The following CAB39 variants were observed in gnomAD, a reference collection of about 807,000 sequenced individuals.
CAB39 encodes calcium-binding protein 39.
A neutral mutation model predicts 40.0 loss-of-function variants in CAB39; 8 were observed. The observed-to-expected ratio is 0.20, with a 90% CI of 0.12 to 0.36. The LOEUF is 0.36. Among genes scored for constraint, CAB39 ranks in the 10% least tolerant of loss-of-function variants. CAB39 has a pLI of 1.00. For synonymous variants in CAB39, 156 were observed against 141.6 expected, an observed-to-expected ratio of 1.10 and a Z score of -0.72; for missense variants, 270 against 401.1, an observed-to-expected ratio of 0.67 and a Z score of 2.79.
chr2:230,733,380 A>C (rs779458938), intron 1 of CAB39, among the ~76,000 whole-genome samples: 10 of 151,906 alleles, frequency 6.6e-5, no homozygotes, highest in Non-Finnish European at 1.3e-4. Context: ...ACATACCCCC[A>C]AGGTAGTTTG....
At chr2:230,715,121 G>A (rs1694325697) in intron 1 of CAB39, among the ~76,000 whole-genome samples, 1 of 151,982 alleles carries the variant, frequency 6.6e-6, no homozygotes, top group Non-Finnish European at 1.5e-5. Context: ...TATATTGTAT[G>A]CATATGTATA....
intron 1 of CAB39, among the ~76,000 whole-genome samples, chr2:230,717,986 CTT>C (rs1194939065): frequency 2.0e-5 from 3 of 152,236 alleles, no homozygotes; most frequent in African/African-American, 4.8e-5. Context: ...TTTGTATGAT[CTT>C]TAATAGCTTT....
chr2:230,729,009 CTG>C (rs2124870029), intron 1 of CAB39, among the ~76,000 whole-genome samples: 1 of 152,308 alleles, frequency 6.6e-6, no homozygotes, highest in African/African-American at 2.4e-5. Flanking sequence ...CTGGTATTTA[CTG>C]TGTGCCAAGT....
intron 5 of CAB39, among the ~76,000 whole-genome samples, chr2:230,804,477 A>G (rs1696153600): frequency 6.6e-6 from 1 of 152,234 alleles, no homozygotes; most frequent in Non-Finnish European, 1.5e-5. Flanking sequence ...AATGGGAGAA[A>G]ATGTTTGCAA....
chr2:230,795,556 G>A (rs1038633451), intron 4 of CAB39, among the ~76,000 whole-genome samples: 3 of 152,112 alleles, frequency 2.0e-5, no homozygotes, highest in African/African-American at 7.2e-5. Flanking sequence ...GGATGGTGCT[G>A]TGTGCTTCAT....
Position 230,725,274 on chromosome 2 carries a change from C to T in CAB39, c.-44+12044C>T, listed in dbSNP as rs576297925. On this transcript the variant is annotated intron_variant, in intron 1 of 8. Transcript: ENST00000258418. ...AGCACCAGAAACTGGCCAAGGACAA[C>T]GTAGGCCTTGTCAAAGCCCCTTTCC... is the stretch of plus-strand genomic sequence containing the variant. 15 of 1,578,490 alleles carry T rather than the reference C, an allele frequency of 9.5e-6. No homozygotes were observed. In the South Asian group the frequency reaches 1.0e-4, roughly 10 times the overall value.
chr2:230,737,233 A>G (rs958336247), intron 1 of CAB39, among the ~76,000 whole-genome samples: 2 of 152,194 alleles, frequency 1.3e-5, no homozygotes, highest in African/African-American at 2.4e-5. Flanking sequence ...GCTGAAGAGA[A>G]GATAGACCCT....
At chr2:230,732,263 T>C (rs1694706089) in intron 1 of CAB39, among the ~76,000 whole-genome samples, 1 of 152,092 alleles carries the variant, frequency 6.6e-6, no homozygotes, top group Non-Finnish European at 1.5e-5. Context: ...TTGTATTTTT[T>C]AGTGGAGACG....
Position 230,818,800 on chromosome 2 carries a change from T to C in CAB39, c.*96T>C. ...ATTGATTCATGAGGAACATTACTGC[T>C]AATCTGCTGTTAAGTGAACGGTTTT... On this transcript the variant is annotated 3_prime_UTR_variant, in exon 9 of 9. Transcript: ENST00000258418. 1 of 962,958 alleles carries C rather than the reference T, an allele frequency of 1.0e-6. No homozygotes were observed. The highest frequency in any genetic ancestry group is 1.6e-5 in the South Asian group (1 of 61,360). The allele number at this position is 962,958 out of a possible 1,614,324, so 59.7% of individuals were successfully genotyped here.
chr2:230,745,938 A>T (rs981595555), intron 1 of CAB39, among the ~76,000 whole-genome samples: 2 of 151,260 alleles, frequency 1.3e-5, no homozygotes, highest in African/African-American at 2.4e-5. Flanking sequence ...TCTTTAAATT[A>T]AAAAAAAAAT....
Position 230,820,929 on chromosome 2 carries a change from T to C in CAB39, c.*2225T>C, listed in dbSNP as rs1372305061. The C allele has an allele frequency of 6.5e-6, 1 of 152,692 alleles. No individual in the cohort carries two copies. Among genetic ancestry groups the C allele is most frequent in the African/African-American group, 2.4e-5 (1 of 41,470 alleles). 9.5% of individuals were successfully genotyped at this position (152,692 alleles called of 1,614,324 possible). A position where few individuals can be genotyped will look rare whatever the true frequency, so the allele number is the denominator to read the frequency against. On this transcript the variant is annotated 3_prime_UTR_variant, in exon 9 of 9. Coordinates refer to ENST00000258418, the MANE Select transcript of CAB39 (RefSeq NM_016289.4). ...ACATAAGGCAGTTACTTAATGTGAT[T>C]TTTAACCCTTAAAAAAGTGGAGATG...
At chr2:230,751,662 G>A (rs1027910966) in intron 1 of CAB39, among the ~76,000 whole-genome samples, 4 of 152,060 alleles carry the variant, frequency 2.6e-5, no homozygotes, top group Non-Finnish European at 4.4e-5. Flanking sequence ...TTGTACTCTT[G>A]AAAATATTCT....
At chr2:230,759,531 G>C (rs933808349) in intron 1 of CAB39, among the ~76,000 whole-genome samples, 1 of 152,168 alleles carries the variant, frequency 6.6e-6, no homozygotes, top group Non-Finnish European at 1.5e-5. Flanking sequence ...TGAGCCTCAC[G>C]CTCAACCTTG....
At chr2:230,720,595 A>G (rs1694431565) in intron 1 of CAB39, among the ~76,000 whole-genome samples, 2 of 151,952 alleles carry the variant, frequency 1.3e-5, no homozygotes, top group South Asian at 2.1e-4. Flanking sequence ...GCCACCATGC[A>G]TGGCTAATTT....
intron 2 of CAB39, among the ~76,000 whole-genome samples, chr2:230,772,717 C>G (rs924598844): frequency 6.6e-6 from 1 of 151,536 alleles, no homozygotes; most frequent in Non-Finnish European, 1.5e-5. Flanking sequence ...GATCTCCTGA[C>G]CTCGTGATCT....
Position 230,794,834 on chromosome 2 carries a change from CAT to C in CAB39, c.398+1504_398+1505del, listed in dbSNP as rs1406249426. 2.3e-4 allele frequency among the ~76,000 whole-genome samples: 29 copies of C among 123,810 alleles called. 1 individual carries two copies. In the East Asian group the frequency reaches 5.5e-3, roughly 24 times the overall value. 81.2% of individuals were successfully genotyped at this position (123,810 alleles called of 152,430 possible). A position where few individuals can be genotyped will look rare whatever the true frequency, so the allele number is the denominator to read the frequency against. On this transcript the variant is annotated intron_variant, in intron 4 of 8. Transcript: ENST00000258418. ...TCCTTGCCCCCTTTTTCCTCTGACA[CAT>C]GACATCACTCAGTATGCATCCCTAG...
intron 1 of CAB39, among the ~76,000 whole-genome samples, chr2:230,729,670 T>C (rs907156678): frequency 6.6e-6 from 1 of 151,936 alleles, no homozygotes. Flanking sequence ...GGAGAACAGC[T>C]TGAACCCGGG....
At chr2:230,715,535 C>T (rs893693469) in intron 1 of CAB39, among the ~76,000 whole-genome samples, 2 of 152,182 alleles carry the variant, frequency 1.3e-5, no homozygotes, top group African/African-American at 4.8e-5. Flanking sequence ...TGCAGTGTCC[C>T]TTCCCACTCC....
intron 2 of CAB39, among the ~76,000 whole-genome samples, chr2:230,763,517 T>C (rs1488601210): frequency 2.0e-5 from 3 of 151,452 alleles, no homozygotes; most frequent in African/African-American, 7.3e-5. Context: ...TGCTTAAACC[T>C]GGGAGGCAGA....
Sources: gnomAD v4.1 joint callset for allele counts (sites outside exome capture counted in the v4.1 genomes callset) on GRCh38, gnomAD v4.1.1 for gene constraint, MANE v1.5 for transcripts, NCBI Gene and HGNC (gene_info 2026-07-23, HGNC 2026-07-21) for gene names.